Variants in KCND2 observed in about 807,000 individuals in gnomAD.
The protein encoded by KCND2 is potassium voltage-gated channel subfamily D member 2.
KCND2 carries 16 observed loss-of-function variants against 54.4 expected under a neutral mutation model. The observed-to-expected ratio is 0.29, with a 90% confidence interval of 0.20 to 0.45. The LOEUF (loss-of-function observed/expected upper bound fraction) is 0.45. Ranked by LOEUF, KCND2 falls within the 20% of genes least tolerant of loss-of-function variation. The probability of loss-of-function intolerance (pLI) is 1.00; values close to 1 mark genes in which losing one functional copy is unlikely to be tolerated. For synonymous variants in KCND2, 317 were observed against 310.7 expected, an observed-to-expected ratio of 1.02 and a Z score of -0.21; for missense variants, 486 against 824.2, an observed-to-expected ratio of 0.59 and a Z score of 5.02.
Position 120,335,351 on chromosome 7 carries a change from C to CT in KCND2, c.1115+59605dup, listed in dbSNP as rs1230638614. ...CCAGCCTGGGCGACAGAGCAAGACT[C>CT]TATCAAAAAAAAAAAAAAAAAAAAA... is the stretch of plus-strand genomic sequence containing the variant. On this transcript the variant is annotated intron_variant, in intron 1 of 5. Transcript: ENST00000331113. Among the ~76,000 whole-genome samples, 4 of 48,766 alleles carry CT rather than the reference C, an allele frequency of 8.2e-5. 1 individual carries two copies. Among genetic ancestry groups the CT allele is most frequent in the Admixed American group, 3.9e-4 (1 of 2,580 alleles). 32.0% of individuals were successfully genotyped at this position (48,766 alleles called of 152,430 possible).
chr7:120,713,424 G>C (rs1792565459), intron 1 of KCND2, among the ~76,000 whole-genome samples: 1 of 152,190 alleles, frequency 6.6e-6, no homozygotes, highest in Non-Finnish European at 1.5e-5. Flanking sequence ...GCAGGAGACA[G>C]AGCTGAACTT....
intron 1 of KCND2, among the ~76,000 whole-genome samples, chr7:120,529,732 T>A (rs1422871683): frequency 6.6e-6 from 1 of 152,074 alleles, no homozygotes; most frequent in African/African-American, 2.4e-5. Context: ...CACAACCAGA[T>A]TCACCACTCT....
chr7:120,713,026 G>A (rs568067290), intron 1 of KCND2, among the ~76,000 whole-genome samples: 1 of 152,284 alleles, frequency 6.6e-6, no homozygotes, highest in African/African-American at 2.4e-5. Context: ...ATCCCTGCAA[G>A]AATTTAGCCT....
intron 1 of KCND2, among the ~76,000 whole-genome samples, chr7:120,705,231 T>TA (rs1792452837): frequency 6.6e-6 from 1 of 152,206 alleles, no homozygotes; most frequent in Non-Finnish European, 1.5e-5. Flanking sequence ...CTACATTTCC[T>TA]AAGACCTTGA....
At chr7:120,347,200 CTTTT>C (rs1479239590) in intron 1 of KCND2, among the ~76,000 whole-genome samples, 5 of 152,070 alleles carry the variant, frequency 3.3e-5, no homozygotes, top group Non-Finnish European at 7.4e-5. Flanking sequence ...TGATGCCTTT[CTTTT>C]TATTTCTTTT....
intron 1 of KCND2, among the ~76,000 whole-genome samples, chr7:120,657,359 A>G (rs563779804): frequency 4.6e-5 from 7 of 152,290 alleles, no homozygotes; most frequent in East Asian, 3.9e-4. Flanking sequence ...CTATATATCT[A>G]TATCTATATA....
intron 1 of KCND2, among the ~76,000 whole-genome samples, chr7:120,638,790 G>A (rs932923877): frequency 2.0e-5 from 3 of 152,072 alleles, no homozygotes; most frequent in Non-Finnish European, 4.4e-5. Flanking sequence ...TCAGACCTGC[G>A]TTGGGGTTGT....
intron 1 of KCND2, among the ~76,000 whole-genome samples, chr7:120,388,890 G>GTATATATA (rs71155908): frequency 6.8e-6 from 1 of 146,294 alleles, no homozygotes; most frequent in South Asian, 2.2e-4. Flanking sequence ...ATATATACAT[G>GTATATATA]TATATATATA....
intron 1 of KCND2, among the ~76,000 whole-genome samples, chr7:120,490,263 A>G (rs572876896): frequency 8.3e-4 from 126 of 152,308 alleles, no homozygotes; most frequent in African/African-American, 3.0e-3. Flanking sequence ...AATCTAGGCA[A>G]CAAACCCATT....
chr7:120,551,899 A>G (rs1335729961), intron 1 of KCND2, among the ~76,000 whole-genome samples: 1 of 152,174 alleles, frequency 6.6e-6, no homozygotes, highest in Non-Finnish European at 1.5e-5. Context: ...CTCTGGAGTT[A>G]TAGCACTTTC....
intron 1 of KCND2, among the ~76,000 whole-genome samples, chr7:120,397,740 A>G (rs910715948): frequency 2.0e-5 from 3 of 151,830 alleles, no homozygotes; most frequent in Non-Finnish European, 2.9e-5. Flanking sequence ...TATAATTAAC[A>G]TTGTTCCCCA....
intron 1 of KCND2, among the ~76,000 whole-genome samples, chr7:120,414,157 G>A (rs1417395709): frequency 6.6e-6 from 1 of 151,962 alleles, no homozygotes; most frequent in East Asian, 1.9e-4. Context: ...AATGGTATAA[G>A]TGTGCCATGC....
chr7:120,746,169 T>A, intron 5 of KCND2, 142 bp downstream of exon 5: 1 of 919,254 alleles, frequency 1.1e-6, no homozygotes, highest in Non-Finnish European at 1.7e-6. Context: ...GCGTAACAAG[T>A]AGGAAAATGG....
chr7:120,315,647 A>T (rs1228674642), intron 1 of KCND2, among the ~76,000 whole-genome samples: 2 of 152,116 alleles, frequency 1.3e-5, no homozygotes, highest in South Asian at 2.1e-4. Context: ...AAAGTCAGTC[A>T]CTTGAAATAG....
chr7:120,413,886 G>A (rs1801486620), intron 1 of KCND2, among the ~76,000 whole-genome samples: 1 of 151,126 alleles, frequency 6.6e-6, no homozygotes, highest in Admixed American at 6.6e-5. Flanking sequence ...GCATTAGCAT[G>A]TATGGCACTG....
At chr7:120,521,116 C>A (rs552271631) in intron 1 of KCND2, among the ~76,000 whole-genome samples, 1 of 151,998 alleles carries the variant, frequency 6.6e-6, no homozygotes, top group African/African-American at 2.4e-5. Context: ...CAGATTAAGC[C>A]CTGTTAAAAT....
In KCND2 at chr7:120,429,353, A is replaced by G. The variant is rs1481440657; in HGVS notation, c.1115+153606A>G. On this transcript the variant is annotated intron_variant, in intron 1 of 5. Coordinates refer to ENST00000331113, the MANE Select transcript of KCND2 (RefSeq NM_012281.3). ...TAAACAAAAAACAGTTCACTTAACA[A>G]TGCCCTTGATAAAGAAGTAAATTAC... 2.6e-5 allele frequency among the ~76,000 whole-genome samples: 4 copies of G among 152,244 alleles called. No homozygotes were observed. The East Asian group carries it at 7.7e-4, about 29-fold the overall frequency.
intron 1 of KCND2, among the ~76,000 whole-genome samples, chr7:120,710,215 G>A (rs895115955): frequency 1.3e-5 from 2 of 152,132 alleles, no homozygotes; most frequent in Admixed American, 1.3e-4. Flanking sequence ...TTCCCAAGAC[G>A]CTTTTCAAAC....
chr7:120,352,812 G>A (rs1279542435), intron 1 of KCND2, among the ~76,000 whole-genome samples: 1 of 152,104 alleles, frequency 6.6e-6, no homozygotes, highest in African/African-American at 2.4e-5. Flanking sequence ...GTCTACATTT[G>A]TAGATAATTT....
Sources: gnomAD v4.1 joint callset for allele counts (sites outside exome capture counted in the v4.1 genomes callset) on GRCh38, gnomAD v4.1.1 for gene constraint, MANE v1.5 for transcripts, NCBI Gene and HGNC (gene_info 2026-07-23, HGNC 2026-07-21) for gene names.